NCOR2: variants seen among roughly 807,000 people sequenced by gnomAD.
NCOR2 encodes the protein nuclear receptor corepressor 2, also known as CTG repeat protein 26.
Under a neutral mutation model 262.9 loss-of-function variants are expected in NCOR2, and 81 were observed. That is an observed-to-expected ratio of 0.31 (90% CI 0.26 to 0.37). The LOEUF (loss-of-function observed/expected upper bound fraction) is 0.37. Ranked by LOEUF, NCOR2 falls within the 10% of genes least tolerant of loss-of-function variation. The probability of loss-of-function intolerance (pLI) is 1.00; values close to 1 mark genes in which losing one functional copy is unlikely to be tolerated. For synonymous variants in NCOR2, 1,659 were observed against 1,559.3 expected, an observed-to-expected ratio of 1.06 and a Z score of -1.51; for missense variants, 3,385 against 3,621.4, an observed-to-expected ratio of 0.93 and a Z score of 1.68.
intron 16 of NCOR2, among the ~76,000 whole-genome samples, chr12:124,388,136 G>A (rs1051176318): frequency 3.3e-4 from 50 of 152,148 alleles, no homozygotes; most frequent in Non-Finnish European, 2.5e-4. Flanking sequence ...GCTCCCAAAG[G>A]AGCTGGGCAG....
intron 1 of NCOR2, among the ~76,000 whole-genome samples, chr12:124,509,429 G>C (rs2049266090): frequency 6.6e-6 from 1 of 152,206 alleles, no homozygotes; most frequent in Non-Finnish European, 1.5e-5. Flanking sequence ...CTTCTCTGAG[G>C]TTTTTTAGTT....
At chr12:124,468,420 CCA>C (rs2046626598) in intron 4 of NCOR2, among the ~76,000 whole-genome samples, 1 of 43,450 alleles carries the variant, frequency 2.3e-5, no homozygotes, top group African/African-American at 1.2e-4. Flanking sequence ...CCTCATCACC[CCA>C]TCATCCTCAT....
chr12:124,458,689 G>A (rs1353754093), intron 5 of NCOR2, among the ~76,000 whole-genome samples: 2 of 152,210 alleles, frequency 1.3e-5, no homozygotes, highest in African/African-American at 2.4e-5. Context: ...TGAAACTGAG[G>A]CACAGAAACA....
upstream of NCOR2, among the ~76,000 whole-genome samples, chr12:124,535,997 T>C (rs1168072021): frequency 6.6e-6 from 1 of 152,082 alleles, no homozygotes; most frequent in African/African-American, 2.4e-5. Context: ...GGGAGATGGG[T>C]CGACGGACAC....
At chr12:124,438,344 A>T (rs1170658995) in intron 7 of NCOR2, among the ~76,000 whole-genome samples, 1 of 152,070 alleles carries the variant, frequency 6.6e-6, no homozygotes, top group Non-Finnish European at 1.5e-5. Context: ...CACAGCCTCC[A>T]ACTAGGAATA....
At chr12:124,381,688 G>A (rs990231132) in intron 17 of NCOR2, among the ~76,000 whole-genome samples, 3 of 152,224 alleles carry the variant, frequency 2.0e-5, no homozygotes, top group African/African-American at 7.2e-5. Flanking sequence ...CAAACATTTC[G>A]TGGCTGGACC....
chr12:124,433,882 AC>A (rs2044160976), intron 8 of NCOR2, among the ~76,000 whole-genome samples: 3 of 125,098 alleles, frequency 2.4e-5, no homozygotes, highest in Admixed American at 7.6e-5. Flanking sequence ...ACACACACAC[AC>A]ACACACACAC....
At chr12:124,329,978 T>G (rs1010622371) in intron 44 of NCOR2, among the ~76,000 whole-genome samples, 3 of 152,216 alleles carry the variant, frequency 2.0e-5, no homozygotes, top group African/African-American at 7.2e-5. Context: ...GGAGGTGTCC[T>G]AGTTGGGACT....
chr12:124,339,946 ATCC>A (rs2036312692), intron 37 of NCOR2, 57 bp downstream of exon 39: 5 of 1,433,246 alleles, frequency 3.5e-6, no homozygotes, highest in Non-Finnish European at 4.7e-6. Context: ...TTATCTGCTC[ATCC>A]TCCTACTGAC....
At chr12:124,450,338 G>C (rs2045442724) in intron 6 of NCOR2, among the ~76,000 whole-genome samples, 1 of 152,212 alleles carries the variant, frequency 6.6e-6, no homozygotes, top group Admixed American at 6.5e-5. Flanking sequence ...GTGAGGTCTG[G>C]GGTGACAGGA....
intron 1 of NCOR2, among the ~76,000 whole-genome samples, chr12:124,490,994 A>T (rs2048053599): frequency 6.6e-6 from 1 of 152,204 alleles, no homozygotes; most frequent in South Asian, 2.1e-4. Flanking sequence ...GTCTGATAAG[A>T]GCTAATCTAG....
chr12:124,546,324 GC>G (rs2051542588), intron 1 of NCOR2, among the ~76,000 whole-genome samples: 3 of 152,214 alleles, frequency 2.0e-5, no homozygotes, highest in African/African-American at 7.2e-5. Flanking sequence ...TTCCTGCTTA[GC>G]CACGGCAGCT....
intron 45 of NCOR2, 31 bp from the exon 48 acceptor site, chr12:124,326,401 G>A (rs764816990): frequency 2.7e-5 from 39 of 1,470,670 alleles, no homozygotes; most frequent in South Asian, 5.5e-5. Context: ...AAGGGGCTGC[G>A]TTGGGCAGTG....
intron 22 of NCOR2, among the ~76,000 whole-genome samples, chr12:124,360,486 C>G (rs1396605819): frequency 1.3e-5 from 2 of 152,228 alleles, no homozygotes; most frequent in African/African-American, 2.4e-5. Flanking sequence ...AACGGCCAGA[C>G]AGAGCTTTCC....
chr12:124,479,458 CACACACACACAA>C (rs1299547570), intron 3 of NCOR2, among the ~76,000 whole-genome samples: 1 of 144,670 alleles, frequency 6.9e-6, no homozygotes. Context: ...CACGCATACA[CACACACACACAA>C]ACACGCAGGG....
At position 124,325,586 on chromosome 12, in the gene NCOR2, G is replaced by A. The variant is rs2034551314; in HGVS notation, c.7364-3C>T. The A allele has an allele frequency of 3.9e-6, 5 of 1,274,562 alleles. No individual in the cohort carries two copies. The highest frequency in any genetic ancestry group is 1.5e-5 in the African/African-American group (1 of 65,666). The allele number at this position is 1,274,562 out of a possible 1,614,324, so 79.0% of individuals were successfully genotyped here. On this transcript the variant is annotated splice_region_variant and splice_polypyrimidine_tract_variant and intron_variant, in intron 46 of 46. Transcript: ENST00000405201. The stretch of plus-strand genomic sequence containing the variant: ...GTTGTAGGGGAATGGCGTGGAACCT[G>A]CGGGAAGAAGCGAAAGATGCCCAGG...
At chr12:124,524,713 A>G (rs2050363579) in intron 1 of NCOR2, among the ~76,000 whole-genome samples, 1 of 152,190 alleles carries the variant, frequency 6.6e-6, no homozygotes, top group Admixed American at 6.5e-5. Flanking sequence ...ACTGCCCCTA[A>G]CTAATCACCC....
At chr12:124,563,852 C>T (rs1339157992) in intron 1 of NCOR2, among the ~76,000 whole-genome samples, 1 of 152,244 alleles carries the variant, frequency 6.6e-6, no homozygotes, top group Non-Finnish European at 1.5e-5. Flanking sequence ...TTTCTTTCTT[C>T]ATATCCTCTA....
At chr12:124,337,043 A>G (rs112531520) in exon 38 of NCOR2, 1 of 1,496,912 alleles carries the variant, frequency 6.7e-7, no homozygotes, top group Admixed American at 2.4e-5. Context: ...TGGCCGGGCG[A>G]CCCGGGGGGC....
Sources: gnomAD v4.1 joint callset for allele counts (sites outside exome capture counted in the v4.1 genomes callset) on GRCh38, gnomAD v4.1.1 for gene constraint, MANE v1.5 for transcripts, NCBI Gene and HGNC (gene_info 2026-07-23, HGNC 2026-07-21) for gene names.